Variants in ITPR2 observed in about 807,000 individuals in gnomAD.
The protein encoded by ITPR2 is inositol 1,4,5-trisphosphate-gated calcium channel ITPR2.
ITPR2 carries 207 observed loss-of-function variants against 317.1 expected under a neutral mutation model. That is an observed-to-expected ratio of 0.65 (90% CI 0.58 to 0.73). The LOEUF (loss-of-function observed/expected upper bound fraction) is 0.73. ITPR2 is among the 30% of genes least tolerant of loss of function. The pLI, the probability that ITPR2 is intolerant of heterozygous loss-of-function variation, is 0.00. For missense variants in ITPR2, 2,613 were observed against 3,284.0 expected (o/e 0.80, Z 4.99); for synonymous variants, 1,156 against 1,149.1 (o/e 1.01, Z -0.12).
chr12:26,811,684 C>CA (rs34379788), intron 1 of ITPR2, among the ~76,000 whole-genome samples: 11,238 of 80,036 alleles, frequency 0.14, 731 homozygotes, highest in Non-Finnish European at 0.17. Context: ...GACTCTGTCT[C>CA]AAAAAAAAAA....
chr12:26,808,514 C>G (rs1200406920), intron 1 of ITPR2, among the ~76,000 whole-genome samples: 1 of 152,138 alleles, frequency 6.6e-6, no homozygotes, highest in African/African-American at 2.4e-5. Context: ...GGGGATAAAG[C>G]AGTGTACATG....
At chr12:26,341,378 A>C (rs1025795363) in intron 55 of ITPR2, among the ~76,000 whole-genome samples, 15 of 152,264 alleles carry the variant, frequency 9.9e-5, no homozygotes, top group African/African-American at 3.6e-4. Flanking sequence ...TGGCTACAAC[A>C]ACCTCTGCCT....
chr12:26,815,991 G>T (rs941283531), intron 1 of ITPR2, among the ~76,000 whole-genome samples: 1 of 151,540 alleles, frequency 6.6e-6, no homozygotes, highest in African/African-American at 2.4e-5. Flanking sequence ...TACTCGGGAG[G>T]CTGAGGCAGG....
intron 2 of ITPR2, among the ~76,000 whole-genome samples, chr12:26,785,685 C>A (rs1217977962): frequency 9.4e-5 from 3 of 31,760 alleles, no homozygotes; most frequent in Admixed American, 3.6e-4. Context: ...GGCCAGCCGC[C>A]CCGTCCGGGA....
intron 55 of ITPR2, among the ~76,000 whole-genome samples, chr12:26,371,661 T>C (rs1939193736): frequency 6.6e-6 from 1 of 152,142 alleles, no homozygotes; most frequent in African/African-American, 2.4e-5. Flanking sequence ...GAAAGCCTCA[T>C]AAAGAAGATC....
At position 26,508,579 on chromosome 12, in the gene ITPR2, G is replaced by A. The variant is rs955047127; in HGVS notation, c.5074-13319C>T. 2.0e-5 allele frequency among the ~76,000 whole-genome samples: 3 copies of A among 150,448 alleles called. No individual in the cohort carries two copies. The South Asian group carries it at 6.3e-4, about 32-fold the overall frequency. On this transcript the variant is annotated intron_variant, in intron 37 of 56. Transcript: ENST00000381340. ...GGTATATTTATCTTACAAATCAAGA[G>A]TAATGGAAAAGCAAACAAGTAAGAG...
At chr12:26,707,897 CAAA>C (rs11362693) in intron 9 of ITPR2, among the ~76,000 whole-genome samples, 3 of 146,362 alleles carry the variant, frequency 2.0e-5, no homozygotes, top group African/African-American at 7.6e-5. Flanking sequence ...ACTCAACAGA[CAAA>C]AAAAAAAATT....
intron 12 of ITPR2, 25 bp from the exon 13 acceptor site, chr12:26,682,059 A>C (rs1347873796): frequency 5.6e-6 from 9 of 1,593,720 alleles, no homozygotes; most frequent in Non-Finnish European, 7.7e-6. Context: ...CATTAAGCTT[A>C]GTTTTATAAA....
chr12:26,421,890 G>C lies in ITPR2; in HGVS notation c.6946-2677C>G, dbSNP rs759666476. On this transcript the variant is annotated intron_variant, in intron 49 of 56. Transcript: ENST00000381340. ...GGATGAGGTGAACTGTGTGACAGTG[G>C]GGAAAGGGATGGAATTGAAACAGCA... Among the ~76,000 whole-genome samples the C allele has an allele frequency of 6.0e-4, 91 of 152,108 alleles. 1 individual carries two copies. Among genetic ancestry groups the C allele is most frequent in the Middle Eastern group, 3.4e-3 (1 of 292 alleles).
At chr12:26,774,890 C>T (rs1480253934) in intron 2 of ITPR2, among the ~76,000 whole-genome samples, 1 of 152,192 alleles carries the variant, frequency 6.6e-6, no homozygotes, top group Admixed American at 6.5e-5. Context: ...AACAAAAACC[C>T]TTAGTGGATG....
In ITPR2 at chr12:26,340,195, G is replaced by T; in HGVS notation, c.7991C>A (p.Ser2664Ter). The T allele has an allele frequency of 6.2e-7, 1 of 1,606,880 alleles. No individual in the cohort carries two copies. Among genetic ancestry groups the T allele is most frequent in the Non-Finnish European group, 8.5e-7 (1 of 1,176,900 alleles). Residue 2664 changes from serine (S) to a stop codon, truncating the protein, a stop_gained, in exon 56 of 57, where the codon TCG becomes TAG. Coordinates refer to ENST00000381340, the MANE Select transcript of ITPR2 (RefSeq NM_002223.4). LOFTEE classifies it high-confidence loss of function. ...ESTMSLVKQL[S>*]GQLAELKEQM... is the part of the protein sequence containing the mutation. ...CTCCTTGAGCTCCGCCAGCTGACCC[G>T]ACAGCTGTTTGACCAGACTCATGGT...
At chr12:26,342,518 G>GGGGGGGGGT (rs1938162099) in intron 55 of ITPR2, among the ~76,000 whole-genome samples, 1 of 75,322 alleles carries the variant, frequency 1.3e-5, no homozygotes. Context: ...GGGGGGCGGG[G>GGGGGGGGGT]GTCAGATCCC....
At chr12:26,355,926 TC>T (rs1938624327) in intron 55 of ITPR2, among the ~76,000 whole-genome samples, 2 of 152,170 alleles carry the variant, frequency 1.3e-5, no homozygotes, top group African/African-American at 4.8e-5. Flanking sequence ...GACCTTGCAT[TC>T]AGACTAAACT....
intron 52 of ITPR2, among the ~76,000 whole-genome samples, chr12:26,409,879 T>C (rs937207270): frequency 1.6e-4 from 24 of 152,188 alleles, no homozygotes; most frequent in Admixed American, 9.8e-4. Context: ...CCTGGGATTA[T>C]GGGCTGGCAG....
chr12:26,801,552 C>T (rs946152627), intron 1 of ITPR2, among the ~76,000 whole-genome samples: 1 of 152,152 alleles, frequency 6.6e-6, no homozygotes, highest in Admixed American at 6.5e-5. Flanking sequence ...TTGGAGGATG[C>T]CTGTCTCTCT....
chr12:26,355,318 G>C (rs1938602534), intron 55 of ITPR2, among the ~76,000 whole-genome samples: 1 of 152,206 alleles, frequency 6.6e-6, no homozygotes, highest in Non-Finnish European at 1.5e-5. Flanking sequence ...TAATTATGTA[G>C]AGACAAGGAC....
At chr12:26,415,199 A>G (rs75530413) in intron 51 of ITPR2, 104 bp downstream of exon 51, 73,953 of 756,516 alleles carry the variant, frequency 0.098, 7,472 homozygotes, top group East Asian at 0.41. Flanking sequence ...AAGGAATAAA[A>G]GAAAACATTT....
intron 2 of ITPR2, among the ~76,000 whole-genome samples, chr12:26,736,827 T>C (rs757538194): frequency 2.0e-5 from 3 of 152,102 alleles, no homozygotes; most frequent in Admixed American, 2.0e-4. Context: ...TCCAGTTCTA[T>C]AGATGGCACA....
intron 37 of ITPR2, among the ~76,000 whole-genome samples, chr12:26,536,644 A>G (rs972271710): frequency 3.3e-5 from 5 of 152,248 alleles, no homozygotes; most frequent in Admixed American, 3.3e-4. Flanking sequence ...ATGGAGTAGC[A>G]GCAAGAACTG....
Sources: allele counts gnomAD v4.1 joint callset (sites outside exome capture counted in the v4.1 genomes callset), GRCh38; gene constraint gnomAD v4.1.1; transcripts MANE v1.5; gene names NCBI Gene and HGNC (gene_info 2026-07-23, HGNC 2026-07-21).